Variants in PDE3A observed in about 807,000 individuals in gnomAD.
PDE3A encodes cGMP-inhibited 3',5'-cyclic phosphodiesterase 3A.
Under a neutral mutation model 98.3 loss-of-function variants are expected in PDE3A, and 43 were observed. The ratio of observed to expected loss-of-function variants is 0.44; its 90% CI spans 0.34 to 0.56. The LOEUF (loss-of-function observed/expected upper bound fraction) is 0.56, where lower values mean the gene tolerates loss of function less well. PDE3A is among the 20% of genes least tolerant of loss of function. PDE3A has a pLI of 0.01. For missense variants in PDE3A, 1,427 were observed against 1,440.7 expected (o/e 0.99, Z 0.15); for synonymous variants, 663 against 567.9 (o/e 1.17, Z -2.38).
intron 12 of PDE3A, among the ~76,000 whole-genome samples, 196 bp downstream of exon 12, chr12:20,647,146 T>C (rs934623292): frequency 6.6e-6 from 1 of 152,142 alleles, no homozygotes; most frequent in African/African-American, 2.4e-5. Context: ...GGTATACAAC[T>C]TTATTATCCA....
chr12:20,570,871 C>T (rs1284060166), intron 2 of PDE3A, among the ~76,000 whole-genome samples: 1 of 152,042 alleles, frequency 6.6e-6, no homozygotes, highest in African/African-American at 2.4e-5. Context: ...TTGTCAGCTC[C>T]CCTTGAGGAG....
At chr12:20,529,310 G>C (rs929792712) in intron 1 of PDE3A, among the ~76,000 whole-genome samples, 2 of 152,062 alleles carry the variant, frequency 1.3e-5, no homozygotes, top group African/African-American at 4.8e-5. Flanking sequence ...ATCCATAATT[G>C]GTTGAGAGCC....
At chr12:20,498,978 T>C (rs1486512739) in intron 1 of PDE3A, among the ~76,000 whole-genome samples, 1 of 152,148 alleles carries the variant, frequency 6.6e-6, no homozygotes, top group Non-Finnish European at 1.5e-5. Flanking sequence ...TGATCATCTG[T>C]ATGTTATACT....
At chr12:20,610,967 G>A (rs1167308159) in intron 2 of PDE3A, among the ~76,000 whole-genome samples, 1 of 151,804 alleles carries the variant, frequency 6.6e-6, no homozygotes, top group African/African-American at 2.4e-5. Context: ...TAAGTCTAGG[G>A]TATCTAATGT....
chr12:20,540,248 T>G (rs1255603964), intron 1 of PDE3A, among the ~76,000 whole-genome samples: 1 of 152,126 alleles, frequency 6.6e-6, no homozygotes, highest in Middle Eastern at 3.2e-3. Context: ...TATATTACAT[T>G]ATGGACTGGA....
chr12:20,531,545 T>C (rs1273950774), intron 1 of PDE3A, among the ~76,000 whole-genome samples: 10 of 152,018 alleles, frequency 6.6e-5, no homozygotes, highest in Admixed American at 5.9e-4. Flanking sequence ...GGTAAGACGG[T>C]AGTTGTGATA....
At chr12:20,650,420 T>A in intron 13 of PDE3A, 25 bp from the exon 14 acceptor site, 2 of 1,540,978 alleles carry the variant, frequency 1.3e-6, no homozygotes, top group Non-Finnish European at 1.8e-6. Context: ...AAGCAAAACA[T>A]ATATTAACTT....
intron 1 of PDE3A, among the ~76,000 whole-genome samples, chr12:20,483,321 G>A (rs1031028368): frequency 6.6e-6 from 1 of 152,058 alleles, no homozygotes; most frequent in East Asian, 1.9e-4. Context: ...CCCCGGAGGC[G>A]GAGGTTGCAG....
chr12:20,452,891 G>A (rs908216550), intron 1 of PDE3A, among the ~76,000 whole-genome samples: 2 of 152,156 alleles, frequency 1.3e-5, no homozygotes, highest in Admixed American at 6.5e-5. Context: ...TTAGGTGAAG[G>A]GGCCCCAAGT....
chr12:20,376,292 G>A (rs1943569835), intron 1 of PDE3A, among the ~76,000 whole-genome samples: 1 of 151,896 alleles, frequency 6.6e-6, no homozygotes, highest in African/African-American at 2.4e-5. Flanking sequence ...GATAGCCCAA[G>A]GCAAGATGGC....
intron 2 of PDE3A, among the ~76,000 whole-genome samples, chr12:20,581,067 G>A (rs1943050062): frequency 6.6e-6 from 1 of 152,108 alleles, no homozygotes; most frequent in Non-Finnish European, 1.5e-5. Context: ...TTCTTACAAT[G>A]AACTAATTTG....
intron 1 of PDE3A, among the ~76,000 whole-genome samples, chr12:20,453,750 C>T (rs1565554502): frequency 6.6e-6 from 1 of 152,156 alleles, no homozygotes; most frequent in Non-Finnish European, 1.5e-5. Flanking sequence ...CTCCGAGTCT[C>T]CCTTCCTGGC....
chr12:20,510,863 G>A (rs536437361), intron 1 of PDE3A, among the ~76,000 whole-genome samples: 5 of 152,036 alleles, frequency 3.3e-5, no homozygotes, highest in Non-Finnish European at 7.4e-5. Flanking sequence ...TTATTTATAT[G>A]TCTTCTCCTT....
chr12:20,562,139 T>C (rs1352163129), intron 2 of PDE3A, among the ~76,000 whole-genome samples: 2 of 152,188 alleles, frequency 1.3e-5, no homozygotes, highest in African/African-American at 4.8e-5. Context: ...AATTACTTGT[T>C]GTTTTTTCTT....
chr12:20,502,074 C>T (rs1473659373), intron 1 of PDE3A, among the ~76,000 whole-genome samples: 7 of 152,220 alleles, frequency 4.6e-5, no homozygotes, highest in East Asian at 1.9e-4. Context: ...ATAATAATCA[C>T]ATATATTTTG....
At position 20,369,626 on chromosome 12, in the gene PDE3A, G is replaced by GA; in HGVS notation, c.342_343insA (p.Pro115ThrfsTer105). 6 of 1,584,006 alleles carry GA rather than the reference G, an allele frequency of 3.8e-6. No homozygotes were observed. The highest frequency in any genetic ancestry group is 5.1e-6 in the Non-Finnish European group (6 of 1,165,784). On this transcript the variant is annotated frameshift_variant, in exon 1 of 16. Coordinates refer to ENST00000359062, the MANE Select transcript of PDE3A (RefSeq NM_000921.5). LOFTEE classifies it high-confidence loss of function. ...GAGCAGAAGGGGGCGTCTTCCCGGG[G>GA]CCTCGGGGAGGTGCTCCCGGGGGCG...
intron 2 of PDE3A, among the ~76,000 whole-genome samples, chr12:20,601,307 G>C (rs1363144503): frequency 6.6e-6 from 1 of 152,072 alleles, no homozygotes; most frequent in Non-Finnish European, 1.5e-5. Context: ...AGTATGAATG[G>C]AATATCCCAA....
At chr12:20,589,444 A>T (rs929488825) in intron 2 of PDE3A, among the ~76,000 whole-genome samples, 12 of 152,136 alleles carry the variant, frequency 7.9e-5, no homozygotes, top group Non-Finnish European at 1.5e-4. Flanking sequence ...CCTAACCTTC[A>T]TCTGAAATCA....
chr12:20,371,021 T>G (rs1015283353), intron 1 of PDE3A, among the ~76,000 whole-genome samples: 5 of 152,352 alleles, frequency 3.3e-5, no homozygotes, highest in Middle Eastern at 3.4e-3. Flanking sequence ...AAGTGGATAT[T>G]TATAAATTCA....
Sources: gnomAD v4.1 joint callset for allele counts (sites outside exome capture counted in the v4.1 genomes callset) on GRCh38, gnomAD v4.1.1 for gene constraint, MANE v1.5 for transcripts, NCBI Gene and HGNC (gene_info 2026-07-23, HGNC 2026-07-21) for gene names.